MMP16: variants seen among roughly 807,000 people sequenced by gnomAD.
The protein encoded by MMP16 is matrix metallopeptidase 16, also known as matrix metalloproteinase-16.
MMP16 carries 12 observed loss-of-function variants against 67.8 expected under a neutral mutation model. The observed-to-expected ratio is 0.18, with a 90% CI of 0.11 to 0.29. The LOEUF is 0.29. Among genes scored for constraint, MMP16 ranks in the 10% least tolerant of loss-of-function variants. The pLI, the probability that MMP16 is intolerant of heterozygous loss-of-function variation, is 1.00. For missense variants in MMP16, 475 were observed against 765.7 expected, an observed-to-expected ratio of 0.62 and a Z score of 4.48; for synonymous variants, 249 against 255.9, an observed-to-expected ratio of 0.97 and a Z score of 0.26.
At chr8:88,252,203 A>G (rs1810236180) in intron 1 of MMP16, among the ~76,000 whole-genome samples, 1 of 151,582 alleles carries the variant, frequency 6.6e-6, no homozygotes, top group Non-Finnish European at 1.5e-5. Flanking sequence ...ACGTATGTTT[A>G]TTGCGGCATT....
chr8:88,151,106 G>A (rs1216774597), intron 4 of MMP16, among the ~76,000 whole-genome samples: 1 of 105,906 alleles, frequency 9.4e-6, no homozygotes, highest in Non-Finnish European at 1.9e-5. Flanking sequence ...AAGATCAAAA[G>A]AGACAAAGAA....
At chr8:88,251,070 T>G (rs977268803) in intron 1 of MMP16, among the ~76,000 whole-genome samples, 62 of 151,870 alleles carry the variant, frequency 4.1e-4, no homozygotes, top group Non-Finnish European at 5.9e-4. Flanking sequence ...GAATGATGAT[T>G]TCCAATTTCA....
chr8:88,116,768 G>A (rs1809444867), intron 5 of MMP16, 50 bp from the exon 6 acceptor site: 1 of 1,508,144 alleles, frequency 6.6e-7, no homozygotes, highest in Non-Finnish European at 9.2e-7. Context: ...CTGGAATAGA[G>A]CTGGAAAATA....
At chr8:88,104,880 CA>C (rs1385702482) in intron 6 of MMP16, among the ~76,000 whole-genome samples, 1 of 150,564 alleles carries the variant, frequency 6.6e-6, no homozygotes, top group Admixed American at 6.6e-5. Context: ...AAAAAAAATC[CA>C]AAAAACACAA....
intron 4 of MMP16, among the ~76,000 whole-genome samples, chr8:88,147,759 T>C (rs748184385): frequency 9.4e-5 from 14 of 149,206 alleles, no homozygotes; most frequent in Non-Finnish European, 1.6e-4. Flanking sequence ...TCCACAGTAG[T>C]TACTATAAAA....
intron 1 of MMP16, among the ~76,000 whole-genome samples, chr8:88,233,948 T>C (rs1323284941): frequency 6.6e-6 from 1 of 152,238 alleles, no homozygotes; most frequent in Non-Finnish European, 1.5e-5. Context: ...TTCTATTTTA[T>C]AGTCAAACAT....
intron 1 of MMP16, among the ~76,000 whole-genome samples, chr8:88,302,340 T>C (rs939421284): frequency 5.9e-5 from 9 of 152,206 alleles, no homozygotes; most frequent in Admixed American, 5.2e-4. Flanking sequence ...CCCAAAATTA[T>C]TGCTTAAGGC....
chr8:88,239,093 T>G (rs1268492910), intron 1 of MMP16, among the ~76,000 whole-genome samples: 1 of 152,150 alleles, frequency 6.6e-6, no homozygotes, highest in African/African-American at 2.4e-5. Flanking sequence ...ACTCTTTCCT[T>G]GCTGCTCTCC....
chr8:88,141,237 A>T (rs939496738), intron 4 of MMP16, among the ~76,000 whole-genome samples: 1 of 152,228 alleles, frequency 6.6e-6, no homozygotes, highest in African/African-American at 2.4e-5. Context: ...AATTAATGAA[A>T]ATAACTCAGT....
chr8:88,276,797 A>G (rs887169085), intron 1 of MMP16, among the ~76,000 whole-genome samples: 9 of 152,126 alleles, frequency 5.9e-5, no homozygotes, highest in African/African-American at 2.2e-4. Context: ...AAGATTTATT[A>G]ACCACTCTGC....
intron 4 of MMP16, among the ~76,000 whole-genome samples, chr8:88,138,209 A>G (rs1258256412): frequency 1.3e-5 from 2 of 151,928 alleles, no homozygotes; most frequent in Non-Finnish European, 2.9e-5. Flanking sequence ...TATTCATCCT[A>G]TCCTCTGAAA....
chr8:88,105,154 T>C (rs1809215962), intron 6 of MMP16, among the ~76,000 whole-genome samples: 1 of 144,490 alleles, frequency 6.9e-6, no homozygotes, highest in South Asian at 2.2e-4. Context: ...ATCTCATCTT[T>C]TTTTTTTTTT....
chr8:88,221,541 C>G (rs764084176), intron 1 of MMP16, among the ~76,000 whole-genome samples: 6 of 151,900 alleles, frequency 3.9e-5, no homozygotes, highest in Non-Finnish European at 8.8e-5. Context: ...AAAATCGTTA[C>G]AAATAATAAC....
chr8:88,289,594 A>C (rs1055674669), intron 1 of MMP16, among the ~76,000 whole-genome samples: 3 of 152,064 alleles, frequency 2.0e-5, no homozygotes, highest in Non-Finnish European at 4.4e-5. Flanking sequence ...CATTACTTAA[A>C]AATACAGTCA....
chr8:88,118,926 A>G, intron 4 of MMP16, 65 bp from the exon 5 acceptor site: 1 of 1,461,870 alleles, frequency 6.8e-7, no homozygotes. Context: ...GAAAAGGACA[A>G]TTTGGTATTA....
intron 3 of MMP16, among the ~76,000 whole-genome samples, chr8:88,178,449 G>A (rs1252741255): frequency 6.6e-6 from 1 of 152,142 alleles, no homozygotes; most frequent in Non-Finnish European, 1.5e-5. Context: ...AAGGAAATAT[G>A]CTGTAAGATA....
At chr8:88,296,276 G>A (rs1811012248) in intron 1 of MMP16, among the ~76,000 whole-genome samples, 1 of 152,008 alleles carries the variant, frequency 6.6e-6, no homozygotes, top group African/African-American at 2.4e-5. Context: ...GGTTTAAAGT[G>A]CATCTTATTG....
At chr8:88,120,819 C>A (rs1245188701) in intron 4 of MMP16, among the ~76,000 whole-genome samples, 1 of 151,784 alleles carries the variant, frequency 6.6e-6, no homozygotes, top group African/African-American at 2.4e-5. Flanking sequence ...TGTAGACTTA[C>A]AGGGATTATA....
chr8:88,198,608 T>G (rs934170127), intron 1 of MMP16, among the ~76,000 whole-genome samples: 1 of 151,996 alleles, frequency 6.6e-6, no homozygotes, highest in African/African-American at 2.4e-5. Flanking sequence ...ATTAAATGTA[T>G]CAAAGTCTTA....
Sources: gnomAD v4.1 joint callset for allele counts (sites outside exome capture counted in the v4.1 genomes callset) on GRCh38, gnomAD v4.1.1 for gene constraint, MANE v1.5 for transcripts, NCBI Gene and HGNC (gene_info 2026-07-23, HGNC 2026-07-21) for gene names.